RHOBTB1: variants seen among roughly 807,000 people sequenced by gnomAD.
RHOBTB1 encodes the protein Rho related BTB domain containing 1.
In RHOBTB1, 40 loss-of-function variants were observed where a neutral mutation model predicts 71.6. That is an observed-to-expected ratio of 0.56 (90% CI 0.43 to 0.73). The LOEUF (loss-of-function observed/expected upper bound fraction) is 0.73. Among genes scored for constraint, RHOBTB1 ranks in the 30% least tolerant of loss-of-function variants. The pLI is 0.00. For missense variants in RHOBTB1, 797 were observed against 894.0 expected (o/e 0.89, Z 1.38); for synonymous variants, 319 against 334.9 (o/e 0.95, Z 0.52).
intron 1 of RHOBTB1, among the ~76,000 whole-genome samples, chr10:60,995,232 C>T (rs1473798364): frequency 1.3e-5 from 2 of 152,112 alleles, no homozygotes; most frequent in African/African-American, 2.4e-5. Context: ...CAAATGCTTA[C>T]TGTGTACCAG....
chr10:60,908,730 A>C (rs1157276874), intron 4 of RHOBTB1, among the ~76,000 whole-genome samples: 1 of 152,228 alleles, frequency 6.6e-6, no homozygotes, highest in Non-Finnish European at 1.5e-5. Flanking sequence ...TTACAGAAAG[A>C]TGCTGGAGTG....
intron 2 of RHOBTB1, among the ~76,000 whole-genome samples, chr10:60,955,484 G>A (rs529713908): frequency 2.0e-5 from 3 of 152,192 alleles, no homozygotes; most frequent in Non-Finnish European, 4.4e-5. Context: ...TAACAAGAAT[G>A]CTTCCTTCTG....
intron 2 of RHOBTB1, among the ~76,000 whole-genome samples, chr10:60,954,247 C>T (rs1430634004): frequency 6.6e-6 from 1 of 152,138 alleles, no homozygotes; most frequent in African/African-American, 2.4e-5. Context: ...CAGTTTCCTC[C>T]TCTGTAAAAT....
upstream of RHOBTB1, among the ~76,000 whole-genome samples, chr10:60,948,338 G>T (rs2085303113): frequency 6.6e-6 from 1 of 152,196 alleles, no homozygotes; most frequent in Non-Finnish European, 1.5e-5. Context: ...TTAGGTAAGA[G>T]AAGTACTTAC....
chr10:60,891,190 A>C (rs1163499321), intron 5 of RHOBTB1, among the ~76,000 whole-genome samples: 1 of 152,228 alleles, frequency 6.6e-6, no homozygotes, highest in Non-Finnish European at 1.5e-5. Context: ...AATGCAAAAC[A>C]TACCTAGAAC....
intron 1 of RHOBTB1, among the ~76,000 whole-genome samples, chr10:60,997,581 T>TGTA (rs2087101548): frequency 1.3e-5 from 2 of 152,236 alleles, no homozygotes; most frequent in Admixed American, 1.3e-4. Flanking sequence ...ATCTTTTAAA[T>TGTA]GTATCTTTAA....
At chr10:60,962,076 A>G (rs1589424449) in intron 2 of RHOBTB1, among the ~76,000 whole-genome samples, 1 of 152,088 alleles carries the variant, frequency 6.6e-6, no homozygotes, top group South Asian at 2.1e-4. Flanking sequence ...TTAAAATGCT[A>G]GGATTACAGG....
At chr10:60,864,103 G>A in the RHOBTB1 span, among the ~76,000 whole-genome samples, 4 of 152,182 alleles carry the variant, frequency 2.6e-5, no homozygotes, top group African/African-American at 7.2e-5. Flanking sequence ...AGACCAGACT[G>A]AGTGGGGCTT....
At position 60,951,991 on chromosome 10, in the gene RHOBTB1, G is replaced by A. The variant is rs189971856; in HGVS notation, c.-61-10137C>T. ...GAGAATTGCTTGAACCCAGGAGGTGGAGGTTGCAGTGAGCTGAGATCATGA... is the reference window on the plus strand; with the variant it reads ...GAGAATTGCTTGAACCCAGGAGGTGAAGGTTGCAGTGAGCTGAGATCATGA... On this transcript the variant is annotated intron_variant, in intron 2 of 11. Transcript: ENST00000357917. Among the ~76,000 whole-genome samples the A allele has an allele frequency of 6.3e-3, 962 of 152,132 alleles. 11 individuals are homozygous for A. The highest frequency in any genetic ancestry group is 0.022 in the African/African-American group (914 of 41,490).
chr10:60,920,203 C>A (rs1214352377), intron 2 of RHOBTB1, among the ~76,000 whole-genome samples: 1 of 152,138 alleles, frequency 6.6e-6, no homozygotes, highest in Non-Finnish European at 1.5e-5. Context: ...TGAATGAGTG[C>A]CAGGCCTATA....
chr10:60,988,843 C>T (rs2086761335), intron 1 of RHOBTB1, among the ~76,000 whole-genome samples: 1 of 152,162 alleles, frequency 6.6e-6, no homozygotes, highest in Non-Finnish European at 1.5e-5. Context: ...ATTGTATCCT[C>T]CTCTTCTACA....
At chr10:60,912,863 G>T (rs2083064157) in intron 2 of RHOBTB1, 1 of 152,230 alleles carries the variant, frequency 6.6e-6, no homozygotes, top group Non-Finnish European at 1.5e-5. Flanking sequence ...TTTTGAGGGA[G>T]TCTATTGTTA....
chr10:60,910,857 C>T (rs1268700404), intron 4 of RHOBTB1, 30 bp downstream of exon 4: 1 of 1,535,724 alleles, frequency 6.5e-7, no homozygotes, highest in Admixed American at 1.7e-5. Context: ...TGCATTCAAG[C>T]TCAACCACGC....
chr10:60,981,792 G>C (rs1048972388), intron 2 of RHOBTB1, among the ~76,000 whole-genome samples: 1 of 151,368 alleles, frequency 6.6e-6, no homozygotes, highest in Non-Finnish European at 1.5e-5. Context: ...TTTTTAACAC[G>C]GAGTTTCGCT....
In RHOBTB1 at chr10:60,913,857, C is replaced by T. The variant is rs555208680; in HGVS notation, c.-10-2305G>A. Among the ~76,000 whole-genome samples the T allele has an allele frequency of 2.0e-5, 3 of 152,266 alleles. No homozygotes were observed. In the South Asian group the frequency reaches 6.2e-4, roughly 32 times the overall value. ...ACTTTCTGAGCCTCAGTCTCCTCAT[C>T]TGTTAAGTGGGTATCATAAAAATAC... On this transcript the variant is annotated intron_variant, in intron 2 of 10. Coordinates refer to ENST00000337910, the MANE Select transcript of RHOBTB1 (RefSeq NM_014836.5).
chr10:60,922,501 T>C (rs945496765), intron 2 of RHOBTB1, among the ~76,000 whole-genome samples: 1 of 152,174 alleles, frequency 6.6e-6, no homozygotes, highest in African/African-American at 2.4e-5. Flanking sequence ...TTCACTTCCA[T>C]GGAGCCAAAT....
chr10:60,959,088 TCAC>T (rs1262711865), intron 2 of RHOBTB1, among the ~76,000 whole-genome samples: 1 of 151,954 alleles, frequency 6.6e-6, no homozygotes, highest in African/African-American at 2.4e-5. Context: ...CAGTCATAAA[TCAC>T]CACATTAGTA....
upstream of RHOBTB1, among the ~76,000 whole-genome samples, chr10:60,945,148 C>T (rs1180067017): frequency 2.0e-5 from 3 of 152,160 alleles, no homozygotes; most frequent in African/African-American, 7.2e-5. Context: ...AGCAAACAAC[C>T]GGGTGCCTGC....
chr10:60,912,215 G>A (rs938538067), intron 2 of RHOBTB1, among the ~76,000 whole-genome samples: 2 of 144,648 alleles, frequency 1.4e-5, no homozygotes, highest in Admixed American at 6.8e-5. Flanking sequence ...ATATATATGT[G>A]TATATATATA....
Sources: gnomAD v4.1 joint callset for allele counts (sites outside exome capture counted in the v4.1 genomes callset) on GRCh38, gnomAD v4.1.1 for gene constraint, MANE v1.5 for transcripts, NCBI Gene and HGNC (gene_info 2026-07-23, HGNC 2026-07-21) for gene names.